GATM: variants seen among roughly 807,000 people sequenced by gnomAD.
GATM encodes glycine amidinotransferase, mitochondrial.
In GATM, 23 loss-of-function variants were observed where a neutral mutation model predicts 54.2. That is an observed-to-expected ratio of 0.42 (90% CI 0.31 to 0.60). The LOEUF is 0.60. Among genes scored for constraint, GATM ranks in the 20% least tolerant of loss-of-function variants. The pLI, the probability that GATM is intolerant of heterozygous loss-of-function variation, is 0.14. For missense variants in GATM, 401 were observed against 544.9 expected (o/e 0.74, Z 2.63); for synonymous variants, 168 against 183.1 (o/e 0.92, Z 0.67).
At chr15:45,401,719 A>G (rs1239728035) in intron 1 of GATM, among the ~76,000 whole-genome samples, 1 of 152,246 alleles carries the variant, frequency 6.6e-6, no homozygotes, top group East Asian at 1.9e-4. Context: ...ATTCAAAAGA[A>G]TATCAGAAAT....
chr15:45,401,604 G>A (rs1324709874), intron 1 of GATM, among the ~76,000 whole-genome samples: 1 of 152,148 alleles, frequency 6.6e-6, no homozygotes, highest in Non-Finnish European at 1.5e-5. Context: ...TCTTAATAAC[G>A]TAGATAGGTA....
chr15:45,375,374 T>C lies in GATM; in HGVS notation c.288+1227A>G, dbSNP rs116198193. ...GTGAGCCACCGCGCCTGGCCACCAC[T>C]AGGAGTTTTTAAAAAGAGAGATATT... On this transcript the variant is annotated intron_variant, in intron 2 of 8. Coordinates refer to ENST00000396659, the MANE Select transcript of GATM (RefSeq NM_001482.3). Among the ~76,000 whole-genome samples, 471 of 152,272 alleles carry C rather than the reference T, an allele frequency of 3.1e-3. 4 individuals carry two copies. Among genetic ancestry groups the C allele is most frequent in the African/African-American group, 0.011 (457 of 41,528 alleles).
chr15:45,376,720 T>C lies in GATM; in HGVS notation c.169A>G (p.Thr57Ala). The C allele has an allele frequency of 6.2e-7, 1 of 1,614,212 alleles. No individual in the cohort carries two copies. Among genetic ancestry groups the C allele is most frequent in the Non-Finnish European group, 8.5e-7 (1 of 1,180,042 alleles). ...RNSCAADDKA[T>A]EPLPKDCPVS... ...GGGCAGTCCTTGGGCAGAGGCTCAG[T>C]GGCTTTGTCGTCAGCTGCACAGGAG... is the stretch of plus-strand genomic sequence containing the variant. Residue 57 changes from threonine (T) to alanine (A), a missense_variant, in exon 2 of 9, where the codon ACT (threonine) becomes GCT (alanine). Transcript: ENST00000396659.
In GATM at chr15:45,376,987, GATA is replaced by G. The variant is rs139415248; in HGVS notation, c.70-171_70-169del. The G allele has an allele frequency of 1.9e-4, 131 of 672,138 alleles. 1 individual carries two copies. Among genetic ancestry groups the G allele is most frequent in the Admixed American group, 4.3e-4 (18 of 41,702 alleles). 41.6% of individuals were successfully genotyped at this position (672,138 alleles called of 1,614,324 possible). A position where few individuals can be genotyped will look rare whatever the true frequency, so the allele number is the denominator to read the frequency against. On this transcript the variant is annotated intron_variant, in intron 1 of 8. Coordinates refer to ENST00000396659, the MANE Select transcript of GATM (RefSeq NM_001482.3). The stretch of plus-strand genomic sequence containing the variant: ...TGTGTAGGTGGGTAGTGGGATTACA[GATA>G]ATTTTTTTAACCCTCTTGTTTATCT...
intron 2 of GATM, 30 bp downstream of exon 2, chr15:45,376,571 C>A (rs765664580): frequency 1.1e-5 from 17 of 1,602,710 alleles, no homozygotes; most frequent in Non-Finnish European, 1.2e-5. Flanking sequence ...AGGGAGCGCA[C>A]TTTCAGACAT....
chr15:45,378,052 T>A, intron 1 of GATM: 2 of 282,740 alleles, frequency 7.1e-6, no homozygotes, highest in Non-Finnish European at 1.3e-5. Flanking sequence ...GCGGGAAGCT[T>A]GGTGCAGCGC....
intron 3 of GATM, among the ~76,000 whole-genome samples, chr15:45,394,536 G>A (rs1432138594): frequency 2.0e-5 from 3 of 152,332 alleles, no homozygotes; most frequent in Non-Finnish European, 2.9e-5. Context: ...CTATCTGGGC[G>A]TAGTGTGTTT....
intron 4 of GATM, among the ~76,000 whole-genome samples, chr15:45,367,114 G>A (rs2140642932): frequency 6.6e-6 from 1 of 152,274 alleles, no homozygotes; most frequent in Admixed American, 6.5e-5. Flanking sequence ...GCCAAGGCAG[G>A]TGGATCACCT....
In GATM at chr15:45,366,422, A is replaced by G. The variant is rs1469175749; in HGVS notation, c.762T>C (p.Asp254=). The change falls in exon 5 of 9, where the codon GAT becomes GAC. Residue 254 remains aspartate, a synonymous_variant. Coordinates refer to ENST00000396659, the MANE Select transcript of GATM (RefSeq NM_001482.3). ...TTCCAGCTCGAATGAAGTCAGCAGCATCAAAGCATGGCTCAAACTCAGTTG... is the reference window on the plus strand; with the variant it reads ...TTCCAGCTCGAATGAAGTCAGCAGCGTCAAAGCATGGCTCAAACTCAGTTG... ...FVTTEFEPCF[D]AADFIRAGRD... The G allele has an allele frequency of 6.2e-7, 1 of 1,614,220 alleles. No homozygotes were observed. The highest frequency in any genetic ancestry group is 2.2e-5 in the East Asian group (1 of 44,884).
chr15:45,370,898 T>C (rs979592787), intron 2 of GATM, among the ~76,000 whole-genome samples: 13 of 152,114 alleles, frequency 8.5e-5, no homozygotes, highest in African/African-American at 3.1e-4. Flanking sequence ...CTCAACTCCC[T>C]GAGTAACTGG....
At chr15:45,401,275 A>G (rs1240453356) in intron 1 of GATM, among the ~76,000 whole-genome samples, 1 of 152,142 alleles carries the variant, frequency 6.6e-6, no homozygotes, top group Non-Finnish European at 1.5e-5. Context: ...AGTACTTCCC[A>G]TTGATAAGAT....
At chr15:45,378,075 T>G in intron 1 of GATM, 2 of 324,534 alleles carry the variant, frequency 6.2e-6, no homozygotes, top group Non-Finnish European at 5.7e-6. Flanking sequence ...CAAGGTCCGG[T>G]AGAGGGGGGC....
At chr15:45,367,139 G>A (rs762575441) in intron 4 of GATM, among the ~76,000 whole-genome samples, 31 of 152,192 alleles carry the variant, frequency 2.0e-4, no homozygotes, top group African/African-American at 7.0e-4. Context: ...TCAGGAGTTC[G>A]AGACCAGCCT....
chr15:45,363,842 T>C, intron 8 of GATM, 58 bp downstream of exon 8: 1 of 1,022,330 alleles, frequency 9.8e-7, no homozygotes, highest in South Asian at 1.3e-5. Context: ...GTCATTTCTT[T>C]AGTTCTTCTC....
intron 3 of GATM, among the ~76,000 whole-genome samples, chr15:45,386,797 C>T (rs1889808418): frequency 6.6e-6 from 1 of 152,184 alleles, no homozygotes; most frequent in Admixed American, 6.5e-5. Context: ...TTGTCTTGGG[C>T]AACATCCCAG....
chr15:45,368,192 C>G lies in GATM; in HGVS notation c.553G>C (p.Ala185Pro), dbSNP rs2140644920. The G allele has an allele frequency of 6.2e-7, 1 of 1,614,056 alleles. No homozygotes were observed. ...VGNEIIEAPM[A>P]WRSRFFEYRA... ...TACTCAAAGAAGCGTGAACGCCATGCCATGGGAGCCTCGATAATCTCATTG... is the reference window on the plus strand; with the variant it reads ...TACTCAAAGAAGCGTGAACGCCATGGCATGGGAGCCTCGATAATCTCATTG... Residue 185 changes from alanine (A) to proline (P), a missense_variant, in exon 4 of 9, where the codon GCA (alanine) becomes CCA (proline). By Grantham distance (27) the Ala-to-Pro change is conservative. This residue lies in a region of GATM where 321 missense variants were observed against 457.5 expected (regional missense o/e 0.70). Coordinates refer to ENST00000396659, the MANE Select transcript of GATM (RefSeq NM_001482.3). This position sits in a 1 kb window ranked among gnomAD's most constrained non-coding sequence, Gnocchi z 5.1.
chr15:45,396,516 T>A (rs1889932853), intron 3 of GATM, among the ~76,000 whole-genome samples: 1 of 152,084 alleles, frequency 6.6e-6, no homozygotes, highest in African/African-American at 2.4e-5. Context: ...AAAGAGTAGA[T>A]GAATGTTTAG....
chr15:45,389,861 C>A (rs2140675622), intron 3 of GATM, among the ~76,000 whole-genome samples: 1 of 151,394 alleles, frequency 6.6e-6, no homozygotes, highest in Admixed American at 6.6e-5. Context: ...TTTTCTTTTT[C>A]TTTTTCTTTT....
chr15:45,381,396 C>T (rs1292345506), upstream of GATM, among the ~76,000 whole-genome samples: 2 of 152,100 alleles, frequency 1.3e-5, no homozygotes, highest in African/African-American at 4.8e-5. Flanking sequence ...TTCAATTCTT[C>T]CTCATCACTG....
Sources: allele counts gnomAD v4.1 joint callset (sites outside exome capture counted in the v4.1 genomes callset), GRCh38; gene constraint gnomAD v4.1.1; regional missense constraint gnomAD v4.1.1; non-coding constraint Gnocchi (gnomAD v3.1); transcripts MANE v1.5; gene names NCBI Gene and HGNC (gene_info 2026-07-23, HGNC 2026-07-21).